The following GLDC variants were observed in gnomAD, a reference collection of about 807,000 sequenced individuals.
The protein encoded by GLDC is glycine dehydrogenase (decarboxylating), mitochondrial.
A neutral mutation model predicts 121.3 loss-of-function variants in GLDC; 104 were observed. The observed-to-expected ratio is 0.86, with a 90% CI of 0.73 to 1.01. The LOEUF (loss-of-function observed/expected upper bound fraction) is 1.01. Ranked by LOEUF, GLDC falls within the 50% of genes least tolerant of loss-of-function variation. The probability of loss-of-function intolerance (pLI) is 0.00; values close to 1 mark genes in which losing one functional copy is unlikely to be tolerated. For missense variants in GLDC, 1,429 were observed against 1,306.6 expected, an observed-to-expected ratio of 1.09 and a Z score of -1.44; for synonymous variants, 546 against 480.6, an observed-to-expected ratio of 1.14 and a Z score of -1.78.
In GLDC at chr9:6,560,669, C is replaced by CA. The variant is rs749028663; in HGVS notation, c.1927-1986dup. On this transcript the variant is annotated intron_variant, in intron 16 of 24. Coordinates refer to ENST00000321612, the MANE Select transcript of GLDC (RefSeq NM_000170.3). ...TAAATATAAAATATTCATAGAAAGC[C>CA]AAAATGAAGAATTCATACCAGGTGA... Among the ~76,000 whole-genome samples, 4 of 152,044 alleles carry CA rather than the reference C, an allele frequency of 2.6e-5. No individual in the cohort carries two copies. The highest frequency in any genetic ancestry group is 5.9e-5 in the Non-Finnish European group (4 of 68,012).
intron 15 of GLDC, among the ~76,000 whole-genome samples, chr9:6,582,828 CA>C (rs753266751): frequency 0.056 from 5,130 of 92,314 alleles, 246 homozygotes; most frequent in African/African-American, 0.16. Context: ...GACCTCGTCT[CA>C]AAAAAAAAAA....
chr9:6,593,070 A>G lies in GLDC; in HGVS notation c.1262-80T>C, dbSNP rs1371861983. The G allele has an allele frequency of 2.7e-6, 4 of 1,475,724 alleles. No homozygotes were observed. The Admixed American group carries it at 6.7e-5, about 25-fold the overall frequency. The allele number at this position is 1,475,724 out of a possible 1,614,324, so 91.4% of individuals were successfully genotyped here. ...ATTGACATGTCACAGAATAATAAAG[A>G]GATAAATTCTACTAGACTCTTGTTG... On this transcript the variant is annotated intron_variant, in intron 9 of 24. Transcript: ENST00000321612.
rs11789777 is a variant in GLDC at position 6,594,978 on chromosome 9, T to C, written c.1261+36A>G. On this transcript the variant is annotated intron_variant, in intron 9 of 24. Transcript: ENST00000321612. ...ATTTTACTCAAATTTATCAATTTTA[T>C]TATGCCCAAATGTTTTAGACAGATT... The C allele has an allele frequency of 0.25, 309,763 of 1,226,890 alleles. 40,859 individuals are homozygous for C. The highest frequency in any genetic ancestry group is 0.31 in the Admixed American group (18,355 of 59,548). The allele number at this position is 1,226,890 out of a possible 1,614,324, so 76.0% of individuals were successfully genotyped here.
At chr9:6,616,268 A>G (rs1227768008) in intron 3 of GLDC, among the ~76,000 whole-genome samples, 1 of 152,228 alleles carries the variant, frequency 6.6e-6, no homozygotes, top group Non-Finnish European at 1.5e-5. Context: ...CTATTTATTC[A>G]AATTAGTTAC....
At chr9:6,553,591 A>T in intron 19 of GLDC, 82 bp from the exon 20 acceptor site, 1 of 1,386,552 alleles carries the variant, frequency 7.2e-7, no homozygotes, top group South Asian at 1.2e-5. Flanking sequence ...CCTCCCAGAA[A>T]GCCTTGTTCT....
chr9:6,545,014 G>T (rs912594272), intron 21 of GLDC, among the ~76,000 whole-genome samples: 2 of 151,922 alleles, frequency 1.3e-5, no homozygotes, highest in African/African-American at 4.8e-5. Flanking sequence ...TGGGAGAATC[G>T]CTTGAACCCG....
chr9:6,549,658 A>G (rs577515023), intron 21 of GLDC, among the ~76,000 whole-genome samples: 1 of 152,018 alleles, frequency 6.6e-6, no homozygotes, highest in Non-Finnish European at 1.5e-5. Context: ...GTGTAAAAGG[A>G]TGCCTGGTTT....
At chr9:6,592,822 C>G (rs755359751) in intron 10 of GLDC, 29 bp downstream of exon 10, 3 of 1,604,394 alleles carry the variant, frequency 1.9e-6, no homozygotes, top group East Asian at 2.2e-5. Flanking sequence ...ATTTGAAAAA[C>G]TGGTAAAAAT....
chr9:6,609,962 G>A (rs191846059), intron 4 of GLDC, among the ~76,000 whole-genome samples: 104 of 152,042 alleles, frequency 6.8e-4, no homozygotes, highest in African/African-American at 2.4e-3. Context: ...CAGCCCTCCC[G>A]TCTGATCTTC....
chr9:6,592,271 T>A, intron 10 of GLDC, 48 bp from the exon 11 acceptor site: 1 of 1,132,110 alleles, frequency 8.8e-7, no homozygotes, highest in South Asian at 1.2e-5. Flanking sequence ...AAACTCCACA[T>A]CACTGGAGGA....
chr9:6,598,379 G>C (rs770106413), intron 8 of GLDC, among the ~76,000 whole-genome samples: 8 of 152,162 alleles, frequency 5.3e-5, no homozygotes, highest in Non-Finnish European at 8.8e-5. Flanking sequence ...AATAGGCTCA[G>C]AGAGACTCCC....
chr9:6,626,750 G>A (rs1819247399), intron 2 of GLDC, among the ~76,000 whole-genome samples: 1 of 152,268 alleles, frequency 6.6e-6, no homozygotes, highest in South Asian at 2.1e-4. Context: ...TAAAGGTCAA[G>A]CCCCTTGCGA....
chr9:6,638,100 T>C (rs1036312468), intron 2 of GLDC, among the ~76,000 whole-genome samples: 1 of 152,216 alleles, frequency 6.6e-6, no homozygotes, highest in South Asian at 2.1e-4. Context: ...CCATCAGGGA[T>C]GATCCCGCAA....
intron 15 of GLDC, 171 bp from the exon 16 acceptor site, chr9:6,565,600 C>A: frequency 1.5e-6 from 1 of 683,462 alleles, no homozygotes; most frequent in South Asian, 1.6e-5. Context: ...AGGTCTTGAA[C>A]AATCAAAACA....
intron 11 of GLDC, chr9:6,591,700 T>G (rs1033004810): frequency 2.0e-5 from 4 of 200,762 alleles, no homozygotes; most frequent in East Asian, 1.2e-4. Context: ...TTCTCCCACC[T>G]CAGCCTCCTG....
chr9:6,603,892 C>A (rs1295626601), intron 7 of GLDC, among the ~76,000 whole-genome samples: 11 of 151,660 alleles, frequency 7.3e-5, no homozygotes, highest in African/African-American at 1.7e-4. Context: ...ACCACGCCCA[C>A]CTAATTTTTG....
chr9:6,558,517 C>T, intron 17 of GLDC, 42 bp downstream of exon 17: 1 of 1,611,032 alleles, frequency 6.2e-7, no homozygotes, highest in South Asian at 1.1e-5. Context: ...ACCAGCACTC[C>T]CCATCCCGGC....
intron 15 of GLDC, among the ~76,000 whole-genome samples, chr9:6,571,472 A>G (rs991290896): frequency 6.6e-6 from 1 of 152,198 alleles, no homozygotes; most frequent in Non-Finnish European, 1.5e-5. Flanking sequence ...ACTAAATAAA[A>G]TAAGGGTTCC....
intron 11 of GLDC, among the ~76,000 whole-genome samples, chr9:6,589,626 C>G (rs1003095065): frequency 6.6e-5 from 10 of 152,204 alleles, no homozygotes; most frequent in African/African-American, 2.2e-4. Context: ...GATGTTTCAC[C>G]ATGCCGCCCA....
Sources: gnomAD v4.1 joint callset for allele counts (sites outside exome capture counted in the v4.1 genomes callset) on GRCh38, gnomAD v4.1.1 for gene constraint, MANE v1.5 for transcripts, NCBI Gene and HGNC (gene_info 2026-07-23, HGNC 2026-07-21) for gene names.